Variants in DCAF1 observed in about 807,000 individuals in gnomAD.
The protein encoded by DCAF1 is DDB1- and CUL4-associated factor 1.
In DCAF1, 15 loss-of-function variants were observed where a neutral mutation model predicts 128.0. That is an observed-to-expected ratio of 0.12 (90% CI 0.08 to 0.18). The LOEUF (loss-of-function observed/expected upper bound fraction) is 0.18. Ranked by LOEUF, DCAF1 falls within the 10% of genes least tolerant of loss-of-function variation. DCAF1 has a pLI of 1.00. For missense variants in DCAF1, 988 were observed against 1,649.5 expected (o/e 0.60, Z 6.95); for synonymous variants, 610 against 603.0 (o/e 1.01, Z -0.17).
At chr3:51,444,232 G>A (rs1701629200) in intron 6 of DCAF1, among the ~76,000 whole-genome samples, 1 of 151,988 alleles carries the variant, frequency 6.6e-6, no homozygotes, top group African/African-American at 2.4e-5. Context: ...AAGGCTCCAT[G>A]ATCAACTGGG....
At chr3:51,412,587 G>A in intron 22 of DCAF1, 107 bp from the exon 23 acceptor site, 1 of 1,524,966 alleles carries the variant, frequency 6.6e-7, no homozygotes, top group Non-Finnish European at 8.8e-7. Flanking sequence ...AATTATTAAA[G>A]CTTCTGATAC....
At chr3:51,415,838 C>G (rs1314104404) in intron 18 of DCAF1, among the ~76,000 whole-genome samples, 1 of 152,066 alleles carries the variant, frequency 6.6e-6, no homozygotes, top group African/African-American at 2.4e-5. Flanking sequence ...CCCACCTCAG[C>G]CTCCCAAAGT....
At chr3:51,446,751 A>G (rs1701890912) in intron 6 of DCAF1, among the ~76,000 whole-genome samples, 1 of 152,022 alleles carries the variant, frequency 6.6e-6, no homozygotes, top group Admixed American at 6.6e-5. Flanking sequence ...CCTTGAGGAC[A>G]GGAGTTCAAG....
At chr3:51,427,066 G>A (rs1481637340) in intron 13 of DCAF1, among the ~76,000 whole-genome samples, 1 of 152,144 alleles carries the variant, frequency 6.6e-6, no homozygotes, top group Non-Finnish European at 1.5e-5. Flanking sequence ...TGGACTCCAG[G>A]CTCAAGACAA....
intron 23 of DCAF1, among the ~76,000 whole-genome samples, chr3:51,404,397 T>A (rs949519467): frequency 4.6e-5 from 7 of 152,158 alleles, no homozygotes; most frequent in Non-Finnish European, 7.4e-5. Flanking sequence ...CACAAAAAAA[T>A]TTTTTTTGTT....
At chr3:51,440,101 T>C (rs1701226289) in intron 9 of DCAF1, 1 of 490,298 alleles carries the variant, frequency 2.0e-6, no homozygotes, top group South Asian at 1.5e-5. Context: ...CAGCAACAAC[T>C]GAGGCCACCC....
At chr3:51,443,984 T>A in intron 6 of DCAF1, 81 bp from the exon 7 acceptor site, 1 of 1,375,384 alleles carries the variant, frequency 7.3e-7, no homozygotes, top group Admixed American at 2.6e-5. Flanking sequence ...TTCAGTCTCA[T>A]GAAAAAAATT....
intron 18 of DCAF1, among the ~76,000 whole-genome samples, chr3:51,415,389 G>A (rs1193439247): frequency 6.6e-6 from 1 of 152,152 alleles, no homozygotes; most frequent in East Asian, 1.9e-4. Context: ...CAGCTACTCA[G>A]GAGGCTGAGG....
chr3:51,409,867 T>C (rs1698243246), intron 23 of DCAF1, among the ~76,000 whole-genome samples: 2 of 152,078 alleles, frequency 1.3e-5, no homozygotes, highest in Admixed American at 1.3e-4. Context: ...AATACCAAGC[T>C]CTGCTACCCA....
intron 6 of DCAF1, among the ~76,000 whole-genome samples, chr3:51,458,905 A>G (rs1271548462): frequency 4.6e-5 from 7 of 152,222 alleles, no homozygotes; most frequent in Admixed American, 1.3e-4. Context: ...TCTGGGACAC[A>G]TTCAAAGCAG....
At chr3:51,402,622 T>A (rs1342135226) in intron 24 of DCAF1, among the ~76,000 whole-genome samples, 2 of 122,648 alleles carry the variant, frequency 1.6e-5, no homozygotes, top group Non-Finnish European at 3.2e-5. Flanking sequence ...TATCCCAGCC[T>A]GGAGTGCAGT....
At chr3:51,397,295 C>T (rs1372984759), downstream of DCAF1, 1 of 167,040 alleles carries the variant, frequency 6.0e-6, no homozygotes, top group Non-Finnish European at 1.5e-5. Flanking sequence ...GGTACCTTGC[C>T]TGGTGGTTAC....
intron 17 of DCAF1, among the ~76,000 whole-genome samples, chr3:51,417,542 A>G (rs1698991192): frequency 6.6e-6 from 1 of 152,120 alleles, no homozygotes; most frequent in Admixed American, 6.5e-5. Flanking sequence ...AACACAGTGA[A>G]ACGCTGTCTC....
At chr3:51,456,548 C>A (rs1430766004) in intron 6 of DCAF1, among the ~76,000 whole-genome samples, 1 of 152,320 alleles carries the variant, frequency 6.6e-6, no homozygotes, top group Non-Finnish European at 1.5e-5. Context: ...CCCTCTCTGA[C>A]AGCTTTGAAG....
intron 6 of DCAF1, among the ~76,000 whole-genome samples, chr3:51,448,800 C>T (rs540503422): frequency 2.8e-4 from 42 of 152,206 alleles, no homozygotes; most frequent in African/African-American, 9.9e-4. Flanking sequence ...AAACAGAGAA[C>T]TTGAACAACA....
In DCAF1 at chr3:51,483,580, C is replaced by T. The variant is rs1205687704; in HGVS notation, c.110+139G>A. ...GAAAATGTTCCTATGCTATTCTCCA[C>T]ACCAATTTTTGCTTCTTTTTAAACT... On this transcript the variant is annotated intron_variant, in intron 3 of 24. Coordinates refer to ENST00000684031, the MANE Select transcript of DCAF1 (RefSeq NM_001387579.1). 5 of 607,274 alleles carry T rather than the reference C, an allele frequency of 8.2e-6. No homozygotes were observed. In the African/African-American group the frequency reaches 9.2e-5, roughly 11 times the overall value. 37.6% of individuals were successfully genotyped at this position (607,274 alleles called of 1,614,324 possible).
At chr3:51,415,083 A>G (rs1375617971) in intron 18 of DCAF1, among the ~76,000 whole-genome samples, 1 of 152,088 alleles carries the variant, frequency 6.6e-6, no homozygotes, top group Admixed American at 6.5e-5. Context: ...CTTACTGGCC[A>G]TTATATTTGA....
At chr3:51,422,720 C>T (rs1233814548) in intron 13 of DCAF1, among the ~76,000 whole-genome samples, 1 of 152,068 alleles carries the variant, frequency 6.6e-6, no homozygotes, top group Non-Finnish European at 1.5e-5. Flanking sequence ...TATAGAGACA[C>T]GTACTCTCAA....
rs185970217 is a variant in DCAF1, at chr3:51,473,867, G to A, written c.111-2862C>T. Among the ~76,000 whole-genome samples, 187 of 151,708 alleles carry A rather than the reference G, an allele frequency of 1.2e-3. 1 individual carries two copies. The Middle Eastern group carries it at 0.045, about 36-fold the overall frequency. On this transcript the variant is annotated intron_variant, in intron 3 of 24. Transcript: ENST00000684031. Reference sequence around the variant, plus strand: ...CACCCAGGCTGGAGTGCAATGGCACGATGTCGGCTCACTGCAACCTCTGCC... The same window carrying A: ...CACCCAGGCTGGAGTGCAATGGCACAATGTCGGCTCACTGCAACCTCTGCC...
Sources: allele counts gnomAD v4.1 joint callset (sites outside exome capture counted in the v4.1 genomes callset), GRCh38; gene constraint gnomAD v4.1.1; transcripts MANE v1.5; gene names NCBI Gene and HGNC (gene_info 2026-07-23, HGNC 2026-07-21).